Variants in GRIK2 observed in about 807,000 individuals in gnomAD.
GRIK2 encodes the protein glutamate ionotropic receptor kainate type subunit 2, also known as glutamate receptor ionotropic, kainate 2.
GRIK2 carries 32 observed loss-of-function variants against 100.3 expected under a neutral mutation model. That is an observed-to-expected ratio of 0.32 (90% confidence interval 0.24 to 0.43). The LOEUF (loss-of-function observed/expected upper bound fraction) is 0.43. GRIK2 is among the 20% of genes least tolerant of loss of function. The pLI is 1.00. For missense variants in GRIK2, 843 were observed against 1,114.9 expected, an observed-to-expected ratio of 0.76 and a Z score of 3.47; for synonymous variants, 417 against 389.4, an observed-to-expected ratio of 1.07 and a Z score of -0.83.
At chr6:101,418,844 T>C (rs1776278752) in intron 2 of GRIK2, among the ~76,000 whole-genome samples, 1 of 152,122 alleles carries the variant, frequency 6.6e-6, no homozygotes, top group African/African-American at 2.4e-5. Flanking sequence ...GTCCTCAAAC[T>C]CATGTAATTT....
intron 14 of GRIK2, among the ~76,000 whole-genome samples, chr6:101,983,910 A>G (rs761373300): frequency 1.3e-5 from 2 of 151,640 alleles, no homozygotes; most frequent in Non-Finnish European, 3.0e-5. Context: ...CCATATATAT[A>G]TTTTTGAAAA....
chr6:101,437,924 C>T (rs1323516186), intron 2 of GRIK2, among the ~76,000 whole-genome samples: 1 of 151,988 alleles, frequency 6.6e-6, no homozygotes, highest in Non-Finnish European at 1.5e-5. Flanking sequence ...GAGGCAAAAA[C>T]AAATACAAAA....
At chr6:101,502,836 G>T (rs1582594290) in intron 2 of GRIK2, among the ~76,000 whole-genome samples, 1 of 152,078 alleles carries the variant, frequency 6.6e-6, no homozygotes, top group Admixed American at 6.6e-5. Context: ...CTAGTTCAGG[G>T]TTTTCATTAT....
chr6:101,752,065 A>C (rs956668361), intron 7 of GRIK2, among the ~76,000 whole-genome samples: 3 of 152,170 alleles, frequency 2.0e-5, no homozygotes, highest in Non-Finnish European at 4.4e-5. Context: ...GAAAAAAATA[A>C]ATGCTTATTT....
intron 12 of GRIK2, among the ~76,000 whole-genome samples, chr6:101,893,257 A>G (rs1457652597): frequency 6.6e-6 from 1 of 151,480 alleles, no homozygotes; most frequent in Admixed American, 6.6e-5. Flanking sequence ...CTTTGTCTCC[A>G]TAACAATTAT....
intron 4 of GRIK2, among the ~76,000 whole-genome samples, chr6:101,644,989 A>G (rs1317278347): frequency 1.3e-5 from 2 of 151,770 alleles, no homozygotes; most frequent in East Asian, 3.9e-4. Flanking sequence ...GTACTGGAGT[A>G]ACTGTAAGGT....
intron 2 of GRIK2, among the ~76,000 whole-genome samples, chr6:101,500,272 G>T (rs1371180956): frequency 6.6e-6 from 1 of 152,044 alleles, no homozygotes; most frequent in African/African-American, 2.4e-5. Flanking sequence ...TGAGTTTAGG[G>T]ATTCAAGATT....
chr6:101,720,122 G>A (rs544287280), intron 7 of GRIK2, among the ~76,000 whole-genome samples: 10 of 151,152 alleles, frequency 6.6e-5, no homozygotes, highest in Admixed American at 2.0e-4. Flanking sequence ...GCACCCCCTC[G>A]TTTGTGTCAC....
intron 14 of GRIK2, among the ~76,000 whole-genome samples, chr6:101,975,408 G>A (rs1438923934): frequency 1.3e-5 from 2 of 151,874 alleles, no homozygotes; most frequent in Non-Finnish European, 2.9e-5. Context: ...GAGATTGAGA[G>A]AGCAGCCAAA....
chr6:101,682,953 C>T (rs1323923618), intron 6 of GRIK2, among the ~76,000 whole-genome samples: 1 of 152,084 alleles, frequency 6.6e-6, no homozygotes, highest in Non-Finnish European at 1.5e-5. Context: ...TCTGTAATCC[C>T]AGCACTTTGG....
intron 15 of GRIK2, among the ~76,000 whole-genome samples, chr6:102,048,069 T>G (rs1430120414): frequency 4.9e-5 from 3 of 61,526 alleles, no homozygotes; most frequent in Non-Finnish European, 1.3e-4. Flanking sequence ...GAACCCACAC[T>G]GTATGGTCAA....
At chr6:102,042,514 A>G (rs1271665073) in intron 15 of GRIK2, among the ~76,000 whole-genome samples, 2 of 151,672 alleles carry the variant, frequency 1.3e-5, no homozygotes, top group Non-Finnish European at 3.0e-5. Flanking sequence ...AAGCAGACAG[A>G]CCAAATTGCA....
intron 7 of GRIK2, among the ~76,000 whole-genome samples, chr6:101,792,368 G>A (rs1016223066): frequency 6.6e-6 from 1 of 152,040 alleles, no homozygotes; most frequent in Non-Finnish European, 1.5e-5. Flanking sequence ...TGCATGTTTA[G>A]TGCTTCCTTC....
At chr6:101,666,446 A>G (rs190258355) in intron 4 of GRIK2, among the ~76,000 whole-genome samples, 175 of 152,270 alleles carry the variant, frequency 1.1e-3, no homozygotes, top group Non-Finnish European at 2.1e-3. Context: ...GTAGTCTCCA[A>G]CCCCTCCAGA....
At chr6:101,488,864 A>C (rs1772961767) in intron 2 of GRIK2, among the ~76,000 whole-genome samples, 1 of 146,468 alleles carries the variant, frequency 6.8e-6, no homozygotes, top group Admixed American at 6.8e-5. Context: ...TGTACAAAAA[A>C]CATGTAAATA....
chr6:101,631,742 C>T (rs558617108), intron 4 of GRIK2, among the ~76,000 whole-genome samples: 1 of 152,042 alleles, frequency 6.6e-6, no homozygotes, highest in Non-Finnish European at 1.5e-5. Context: ...TTTCCTACCC[C>T]CTACCACTTC....
chr6:101,784,950 T>G (rs1779330390), intron 7 of GRIK2, among the ~76,000 whole-genome samples: 1 of 152,182 alleles, frequency 6.6e-6, no homozygotes, highest in Admixed American at 6.5e-5. Context: ...TTCTCCATGT[T>G]TTTGGTTTGC....
chr6:101,418,186 G>T (rs1776240320), intron 2 of GRIK2, among the ~76,000 whole-genome samples: 1 of 152,166 alleles, frequency 6.6e-6, no homozygotes, highest in Non-Finnish European at 1.5e-5. Flanking sequence ...TTCTGTGCTG[G>T]TTGGCTTGGG....
At chr6:101,442,011 G>T (rs1424045603) in intron 2 of GRIK2, among the ~76,000 whole-genome samples, 1 of 151,838 alleles carries the variant, frequency 6.6e-6, no homozygotes, top group Non-Finnish European at 1.5e-5. Flanking sequence ...CAATTCTTGG[G>T]AGAGGGAAAA....
Sources: gnomAD v4.1 joint callset for allele counts (sites outside exome capture counted in the v4.1 genomes callset) on GRCh38, gnomAD v4.1.1 for gene constraint, MANE v1.5 for transcripts, NCBI Gene and HGNC (gene_info 2026-07-23, HGNC 2026-07-21) for gene names.